Variants in QTMAN observed in about 807,000 individuals in gnomAD.
QTMAN encodes the protein queuosine-tRNA mannosyltransferase, also known as tRNA-queuosine alpha-mannosyltransferase.
chr2:143,978,875 C>T, the QTMAN span, among the ~76,000 whole-genome samples: 1 of 152,292 alleles, frequency 6.6e-6, no homozygotes, highest in African/African-American at 2.4e-5. Flanking sequence ...CTCCAAGAAA[C>T]ATGTAGGAAA....
the QTMAN span, among the ~76,000 whole-genome samples, chr2:143,963,010 T>C: frequency 6.6e-6 from 1 of 152,178 alleles, no homozygotes; most frequent in African/African-American, 2.4e-5. Context: ...ACTTCATTAC[T>C]GGTAAAATTA....
the QTMAN span, among the ~76,000 whole-genome samples, chr2:144,138,440 A>T: frequency 1.3e-5 from 2 of 152,142 alleles, no homozygotes. Context: ...TTTAAGATGT[A>T]AGAAATAATT....
the QTMAN span, among the ~76,000 whole-genome samples, chr2:144,331,800 G>A: frequency 6.6e-6 from 1 of 152,192 alleles, no homozygotes; most frequent in East Asian, 1.9e-4. Flanking sequence ...CTCAGACGAG[G>A]GATTCCGGGG....
At chr2:144,193,692 T>C in the QTMAN span, among the ~76,000 whole-genome samples, 3 of 151,900 alleles carry the variant, frequency 2.0e-5, no homozygotes, top group Non-Finnish European at 4.4e-5. Flanking sequence ...GGCTAATAAT[T>C]TTTTTAAATT....
At chr2:144,189,783 C>T in the QTMAN span, among the ~76,000 whole-genome samples, 11 of 152,062 alleles carry the variant, frequency 7.2e-5, no homozygotes, top group South Asian at 2.3e-3. Context: ...CCAGGTCTGG[C>T]TAATTTTTTT....
At chr2:144,025,979 C>A in the QTMAN span, among the ~76,000 whole-genome samples, 1 of 149,150 alleles carries the variant, frequency 6.7e-6, no homozygotes, top group African/African-American at 2.5e-5. Flanking sequence ...ATTCTCAGAT[C>A]TTCTTCTTGT....
At chr2:144,263,457 G>A in the QTMAN span, among the ~76,000 whole-genome samples, 1 of 152,100 alleles carries the variant, frequency 6.6e-6, no homozygotes, top group South Asian at 2.1e-4. Flanking sequence ...TGTGCTCTAT[G>A]GCAAATTACA....
the QTMAN span, among the ~76,000 whole-genome samples, chr2:144,151,476 GGAA>G: frequency 6.6e-6 from 1 of 152,130 alleles, no homozygotes; most frequent in Non-Finnish European, 1.5e-5. Context: ...AGTCATGAGT[GGAA>G]GAAGACAGCA....
the QTMAN span, among the ~76,000 whole-genome samples, chr2:143,997,363 T>C: frequency 1.3e-5 from 2 of 152,158 alleles, no homozygotes; most frequent in East Asian, 3.9e-4. Context: ...GCTATACGGC[T>C]TTCTGCAAAT....
chr2:144,249,676 T>G, the QTMAN span, among the ~76,000 whole-genome samples: 1 of 152,234 alleles, frequency 6.6e-6, no homozygotes, highest in Non-Finnish European at 1.5e-5. Flanking sequence ...AAGGATACCT[T>G]GCTTTACAAT....
chr2:144,254,881 T>G, the QTMAN span, among the ~76,000 whole-genome samples: 1 of 152,196 alleles, frequency 6.6e-6, no homozygotes, highest in Non-Finnish European at 1.5e-5. Flanking sequence ...AACTTTAAGG[T>G]TTAATGACTG....
chr2:144,133,667 A>C, the QTMAN span, among the ~76,000 whole-genome samples: 2 of 146,740 alleles, frequency 1.4e-5, no homozygotes, highest in African/African-American at 5.0e-5. Context: ...AACCTAACAC[A>C]GCATGAAAGA....
At chr2:144,175,531 C>T in the QTMAN span, among the ~76,000 whole-genome samples, 2 of 152,128 alleles carry the variant, frequency 1.3e-5, no homozygotes, top group Admixed American at 1.3e-4. Context: ...AAATAAGGCA[C>T]TAAATTCACA....
chr2:143,968,610 G>A, the QTMAN span, among the ~76,000 whole-genome samples: 136 of 152,274 alleles, frequency 8.9e-4, no homozygotes, highest in African/African-American at 3.1e-3. Flanking sequence ...CTGAAAGTAC[G>A]CAGTGGTAAG....
the QTMAN span, among the ~76,000 whole-genome samples, chr2:143,955,242 TAA>T: frequency 6.6e-6 from 1 of 152,160 alleles, no homozygotes; most frequent in Non-Finnish European, 1.5e-5. Context: ...GTTACAATTA[TAA>T]GTGACACCGG....
the QTMAN span, among the ~76,000 whole-genome samples, chr2:143,996,834 C>T: frequency 1.3e-5 from 2 of 151,982 alleles, no homozygotes; most frequent in South Asian, 2.1e-4. Context: ...AGGAGAGTTG[C>T]ACATTTCTTT....
At chr2:144,153,085 G>C in the QTMAN span, among the ~76,000 whole-genome samples, 1 of 152,130 alleles carries the variant, frequency 6.6e-6, no homozygotes, top group Non-Finnish European at 1.5e-5. Context: ...TAGTCAGAGA[G>C]GGCTAGCAGT....
the QTMAN span, chr2:144,006,686 C>A: frequency 2.0e-5 from 3 of 152,424 alleles, no homozygotes; most frequent in Non-Finnish European, 4.4e-5. Context: ...AATACAGAGG[C>A]ATCTGAGTGA....
chr2:144,159,556 T>G, the QTMAN span, among the ~76,000 whole-genome samples: 1 of 152,102 alleles, frequency 6.6e-6, no homozygotes, highest in Admixed American at 6.6e-5. Context: ...ATGCCGTTAC[T>G]TAGGTATTAT....
Sources: gnomAD v4.1 joint callset for allele counts (sites outside exome capture counted in the v4.1 genomes callset) on GRCh38, gnomAD v4.1.1 for gene constraint, MANE v1.5 for transcripts, NCBI Gene and HGNC (gene_info 2026-07-23, HGNC 2026-07-21) for gene names.